The following PRX variants were observed in gnomAD, a reference collection of about 807,000 sequenced individuals.
The protein encoded by PRX is periaxin.
Under a neutral mutation model 29.6 loss-of-function variants are expected in PRX, and 24 were observed. That is an observed-to-expected ratio of 0.81 (90% CI 0.59 to 1.14). The LOEUF (loss-of-function observed/expected upper bound fraction) is 1.14. PRX is among the 50% of genes most tolerant of loss of function. The pLI is 0.00. For missense variants in PRX, 1,838 were observed against 1,926.4 expected (o/e 0.95, Z 0.86); for synonymous variants, 772 against 831.7 (o/e 0.93, Z 1.24).
Position 40,397,953 on chromosome 19 carries a change from G to T in PRX, c.399C>A (p.Ser133=). 6.2e-7 allele frequency: 1 copy of T among 1,611,406 alleles called. No homozygotes were observed. Among genetic ancestry groups the T allele is most frequent in the East Asian group, 2.2e-5 (1 of 44,848 alleles). Residue 133 remains serine, a synonymous_variant, in exon 7 of 7, where the codon TCC becomes TCA. Coordinates refer to ENST00000324001, the MANE Select transcript of PRX (RefSeq NM_181882.3). ...GCACCATCTTCTTCTTCTTCACAGG[G>T]GACAGACTCTGGATGTTCTGGGGAG... ...KVAKLNIQSL[S]PVKKKKMVPG... is the part of the protein sequence containing the mutation.
chr19:40,407,904 A>C lies in PRX; in HGVS notation c.27+2T>G. 1 of 1,613,402 alleles carries C rather than the reference A, an allele frequency of 6.2e-7. No homozygotes were observed. Among genetic ancestry groups the C allele is most frequent in the Non-Finnish European group, 8.5e-7 (1 of 1,179,974 alleles). On this transcript the variant is annotated splice_donor_variant, in intron 4 of 6. Coordinates refer to ENST00000324001, the MANE Select transcript of PRX (RefSeq NM_181882.3). LOFTEE classifies it high-confidence loss of function. ...CGCCTTGCAGGACACGTGGGCACTCACCTCGGCACTCCGGCTCCTGGCCTC... is the reference window on the plus strand; with the variant it reads ...CGCCTTGCAGGACACGTGGGCACTCCCCTCGGCACTCCGGCTCCTGGCCTC...
chr19:40,406,064 T>C (rs1328641703), intron 4 of PRX, among the ~76,000 whole-genome samples: 1 of 150,494 alleles, frequency 6.6e-6, no homozygotes, highest in African/African-American at 2.4e-5. Context: ...CTGGCCAACA[T>C]GGCGAAACTC....
Position 40,398,205 on chromosome 19 carries a change from T to C in PRX, c.382-235A>G. Reference sequence around the variant, plus strand: ...GAGTGTAGGGACGGGGACCCAAGACTTCTAGATCCTGATCCGGGATTTTCC... The same window carrying C: ...GAGTGTAGGGACGGGGACCCAAGACCTCTAGATCCTGATCCGGGATTTTCC... On this transcript the variant is annotated intron_variant, in intron 6 of 6. Transcript: ENST00000324001. This position sits in a 1 kb window ranked among gnomAD's most constrained non-coding sequence, Gnocchi z 6.3. 1 of 1,417,420 alleles carries C rather than the reference T, an allele frequency of 7.1e-7. No homozygotes were observed. The highest frequency in any genetic ancestry group is 9.2e-7 in the Non-Finnish European group (1 of 1,091,628). The allele number at this position is 1,417,420 out of a possible 1,614,324, so 87.8% of individuals were successfully genotyped here.
Position 40,396,387 on chromosome 19 carries a change from C to T in PRX, c.1965G>A (p.Pro655=), listed in dbSNP as rs186171971. The change falls in exon 7 of 7, where the codon CCG becomes CCA. Residue 655 remains proline, a synonymous_variant. Transcript: ENST00000324001. ...PEMAVPDVHL[P]EVQLPKVPEM... ...CTGGGACTTTCGGGAGCTGCACTTC[C>T]GGGAGGTGCACATCGGGCACAGCCA... The T allele has an allele frequency of 2.7e-5, 42 of 1,583,886 alleles. No homozygotes were observed. The highest frequency in any genetic ancestry group is 6.7e-5 in the South Asian group (6 of 90,010).
Position 40,395,063 on chromosome 19 carries a change from G to A in PRX, c.3289C>T (p.Pro1097Ser). The A allele has an allele frequency of 3.7e-6, 6 of 1,612,756 alleles. No individual in the cohort carries two copies. Among genetic ancestry groups the A allele is most frequent in the Non-Finnish European group, 5.1e-6 (6 of 1,179,978 alleles). Residue 1097 changes from proline (P) to serine (S), a missense_variant, in exon 7 of 7, where the codon CCC (proline) becomes TCC (serine). By Grantham distance (74) the Pro-to-Ser change is moderately conservative. Around this residue, in one of 3 missense-constraint regions of PRX, gnomAD observed 1,143 missense variants for 1,193.0 expected, o/e 0.96. Coordinates refer to ENST00000324001, the MANE Select transcript of PRX (RefSeq NM_181882.3). ...AESTAVQLKIPEVELVTLGAQ... is the reference protein window; with the variant it reads ...AESTAVQLKISEVELVTLGAQ... ...CCCAGCGTGACCAGCTCCACCTCGG[G>A]GATCTTAAGCTGCACAGCGGTGGAC... is the stretch of plus-strand genomic sequence containing the variant.
In PRX at chr19:40,395,903, G is replaced by T; in HGVS notation, c.2449C>A (p.Arg817Ser). ...PKLGRAESPS[R>S]GKPGEAGAEV... ...GCACCCGCCTCGCCTGGCTTGCCAC[G>T]TGATGGGGACTCTGCCCTCCCTAGC... The change falls in exon 7 of 7, where the codon CGT becomes AGT. Residue 817 changes from arginine (R) to serine (S), a missense_variant. This residue lies in a region of PRX where 1,143 missense variants were observed against 1,193.0 expected (regional missense o/e 0.96). Coordinates refer to ENST00000324001, the MANE Select transcript of PRX (RefSeq NM_181882.3). 1.9e-6 allele frequency: 3 copies of T among 1,614,154 alleles called. No homozygotes were observed. The highest frequency in any genetic ancestry group is 2.5e-6 in the Non-Finnish European group (3 of 1,180,044).
chr19:40,414,668 C>G (rs1400435281), upstream of PRX, among the ~76,000 whole-genome samples: 2 of 152,150 alleles, frequency 1.3e-5, no homozygotes, highest in Non-Finnish European at 2.9e-5. Flanking sequence ...ACCCCTGGAC[C>G]CTGGTCCAGC....
chr19:40,404,488 G>C (rs973800298), intron 4 of PRX, among the ~76,000 whole-genome samples: 1 of 152,086 alleles, frequency 6.6e-6, no homozygotes, highest in Non-Finnish European at 1.5e-5. Context: ...AGCCAAATGG[G>C]GTATAGAAGG....
In PRX at chr19:40,403,687, A is replaced by C. The variant is rs1316069230; in HGVS notation, c.184+19T>G. The C allele has an allele frequency of 5.4e-5, 80 of 1,473,934 alleles. No homozygotes were observed. The Admixed American group carries it at 1.1e-3, about 20-fold the overall frequency. The allele number at this position is 1,473,934 out of a possible 1,614,324, so 91.3% of individuals were successfully genotyped here. ...CGCCCCCGCAGTTCGACCCCGCCCC[A>C]CACCCCGGGCCCGCCCACCTTCCTG... On this transcript the variant is annotated intron_variant, in intron 5 of 6. Coordinates refer to ENST00000324001, the MANE Select transcript of PRX (RefSeq NM_181882.3).
In PRX at chr19:40,403,847, C is replaced by G. The variant is rs1271739433; in HGVS notation, c.43G>C (p.Glu15Gln). Residue 15 changes from glutamate (E) to glutamine (Q), a missense_variant, in exon 5 of 7, where the codon GAG (glutamate) becomes CAG (glutamine). Glu to Gln is a conservative substitution (Grantham distance 29). Transcript: ENST00000324001. Reference protein sequence around the residue: ...SRSAEELRRAELVEIIVETEA... With the variant: ...SRSAEELRRAQLVEIIVETEA... Reference sequence around the variant, plus strand: ...GTCTCCACGATAATTTCCACCAACTCCGCCCGCCTCAGCTCCTGCAGAGGG... The same window carrying G: ...GTCTCCACGATAATTTCCACCAACTGCGCCCGCCTCAGCTCCTGCAGAGGG... The G allele has an allele frequency of 6.3e-7, 1 of 1,596,276 alleles. No homozygotes were observed. Among genetic ancestry groups the G allele is most frequent in the Non-Finnish European group, 8.5e-7 (1 of 1,175,664 alleles).
At chr19:40,409,417 G>A (rs879509864) in intron 1 of PRX, among the ~76,000 whole-genome samples, 6 of 151,394 alleles carry the variant, frequency 4.0e-5, no homozygotes, top group Admixed American at 6.6e-5. Context: ...AGTGTAAAGT[G>A]CCAGGCACCT....
chr19:40,395,338 C>A lies in PRX; in HGVS notation c.3014G>T (p.Gly1005Val), dbSNP rs1334193146. The A allele has an allele frequency of 6.2e-7, 1 of 1,613,548 alleles. No homozygotes were observed. Among genetic ancestry groups the A allele is most frequent in the African/African-American group, 1.3e-5 (1 of 74,922 alleles). Reference protein sequence around the residue: ...QLSLDAHLPSGKVEVAGADLK... With the variant: ...QLSLDAHLPSVKVEVAGADLK... Reference sequence around the variant, plus strand: ...GTCGGCCCCTGCCACCTCTACCTTGCCTGAGGGCAGGTGGGCATCCAGGCT... The same window carrying A: ...GTCGGCCCCTGCCACCTCTACCTTGACTGAGGGCAGGTGGGCATCCAGGCT... Residue 1005 changes from glycine (G) to valine (V), a missense_variant, in exon 7 of 7, where the codon GGC becomes GTC. Gly to Val is a moderately radical substitution (Grantham distance 109). This residue lies in a region of PRX where 1,143 missense variants were observed against 1,193.0 expected (regional missense o/e 0.96). Transcript: ENST00000324001.
intron 4 of PRX, among the ~76,000 whole-genome samples, chr19:40,407,200 C>A (rs2079535091): frequency 7.1e-6 from 1 of 140,678 alleles, no homozygotes; most frequent in Admixed American, 7.0e-5. Flanking sequence ...TTAACTCCTA[C>A]ATTATATGCC....
At chr19:40,404,342 G>A (rs1220972934) in intron 4 of PRX, among the ~76,000 whole-genome samples, 2 of 150,898 alleles carry the variant, frequency 1.3e-5, no homozygotes, top group African/African-American at 4.9e-5. Context: ...GACTGCGTCG[G>A]AGTGGGCTGG....
chr19:40,395,397 C>T lies in PRX; in HGVS notation c.2955G>A (p.Leu985=), dbSNP rs1176745658. 1 of 1,613,872 alleles carries T rather than the reference C, an allele frequency of 6.2e-7. No homozygotes were observed. Among genetic ancestry groups the T allele is most frequent in the Admixed American group, 1.7e-5 (1 of 60,000 alleles). The change falls in exon 7 of 7, where the codon CTG becomes CTA. Residue 985 remains leucine (L), a synonymous_variant. Transcript: ENST00000324001. ...GGATGGACAGATCGAGGGCAGGCAGCAGGCCTGCCTCCCCAGCCCCTTTGG... is the reference window on the plus strand; with the variant it reads ...GGATGGACAGATCGAGGGCAGGCAGTAGGCCTGCCTCCCCAGCCCCTTTGG... The part of the protein sequence containing the change: ...AEAKGAGEAG[L]LPALDLSIPQ...
intron 1 of PRX, among the ~76,000 whole-genome samples, chr19:40,409,311 C>T (rs2079547644): frequency 6.6e-6 from 1 of 152,018 alleles, no homozygotes. Flanking sequence ...GAGCAAATCA[C>T]AGCTCCTCTC....
chr19:40,397,643 C>G lies in PRX; in HGVS notation c.709G>C (p.Val237Leu). The change falls in exon 7 of 7, where the codon GTT becomes CTT. Residue 237 changes from valine to leucine, a missense_variant. Val to Leu is a conservative substitution (Grantham distance 32, BLOSUM62 1). Coordinates refer to ENST00000324001, the MANE Select transcript of PRX (RefSeq NM_181882.3). ...ARFTAPQVELVGPRLPGAEVG... is the reference protein window; with the variant it reads ...ARFTAPQVELLGPRLPGAEVG... Reference sequence around the variant, plus strand: ...TCCGCCCCTGGCAGCCGCGGCCCAACCAGCTCCACCTGAGGGGCTGTGAAA... The same window carrying G: ...TCCGCCCCTGGCAGCCGCGGCCCAAGCAGCTCCACCTGAGGGGCTGTGAAA... 1 of 1,546,388 alleles carries G rather than the reference C, an allele frequency of 6.5e-7. No individual in the cohort carries two copies. The highest frequency in any genetic ancestry group is 8.7e-7 in the Non-Finnish European group (1 of 1,151,604).
rs570227186 is a variant in PRX at position 40,396,084 on chromosome 19, C to T, written c.2268G>A (p.Pro756=). 1.1e-5 allele frequency: 18 copies of T among 1,614,226 alleles called. No individual in the cohort carries two copies. Among genetic ancestry groups the T allele is most frequent in the Admixed American group, 3.3e-5 (2 of 60,028 alleles). ...CGGGAACCTTCGGCACTTGCATTTC[C>T]GGCAGCCGAATCTCTGACACTTTCG... ...QLPKVSEIRL[P]EMQVPKVPDV... The change falls in exon 7 of 7, where the codon CCG becomes CCA. Residue 756 remains proline (P), a synonymous_variant. Coordinates refer to ENST00000324001, the MANE Select transcript of PRX (RefSeq NM_181882.3).
chr19:40,398,928 T>C lies in PRX; in HGVS notation c.185-112A>G. ...GGTGAGGACCCGCCCCAAATTTTAG[T>C]TTCTCCAATCCCCAGCGCAGGATTA... On this transcript the variant is annotated intron_variant, in intron 5 of 6. Transcript: ENST00000324001. The surrounding 1 kb of genome is among the most constrained non-coding windows in gnomAD (Gnocchi z 6.3). 6.4e-7 allele frequency: 1 copy of C among 1,555,716 alleles called. No individual in the cohort carries two copies. The highest frequency in any genetic ancestry group is 8.7e-7 in the Non-Finnish European group (1 of 1,151,052).
Sources: gnomAD v4.1 joint callset for allele counts (sites outside exome capture counted in the v4.1 genomes callset) on GRCh38, gnomAD v4.1.1 for gene constraint, gnomAD v4.1.1 regional missense constraint, Gnocchi (gnomAD v3.1) non-coding constraint, MANE v1.5 for transcripts, NCBI Gene and HGNC (gene_info 2026-07-23, HGNC 2026-07-21) for gene names.